CNTNAP5: variants seen among roughly 807,000 people sequenced by gnomAD.
CNTNAP5 encodes the protein contactin-associated protein-like 5.
In CNTNAP5, 72 loss-of-function variants were observed where a neutral mutation model predicts 150.2. The observed-to-expected ratio is 0.48, with a 90% CI of 0.40 to 0.58. CNTNAP5 has a LOEUF of 0.58. CNTNAP5 is among the 20% of genes least tolerant of loss of function. The pLI, the probability that CNTNAP5 is intolerant of heterozygous loss-of-function variation, is 0.00. For missense variants in CNTNAP5, 1,636 were observed against 1,626.2 expected (o/e 1.01, Z -0.10); for synonymous variants, 672 against 619.8 (o/e 1.08, Z -1.25).
intron 3 of CNTNAP5, among the ~76,000 whole-genome samples, chr2:124,361,701 G>C (rs1332620534): frequency 6.7e-6 from 1 of 149,354 alleles, no homozygotes; most frequent in African/African-American, 2.5e-5. Context: ...GAGAACCACT[G>C]CTCTCTTCAA....
At chr2:124,408,172 C>T (rs954536116) in intron 3 of CNTNAP5, among the ~76,000 whole-genome samples, 13 of 152,180 alleles carry the variant, frequency 8.5e-5, no homozygotes, top group Admixed American at 5.9e-4. Flanking sequence ...TGCGCTTTTC[C>T]GACGGGCTTA....
At chr2:124,102,051 C>T (rs1683078529) in intron 1 of CNTNAP5, among the ~76,000 whole-genome samples, 3 of 152,148 alleles carry the variant, frequency 2.0e-5, no homozygotes, top group Admixed American at 2.0e-4. Context: ...GGAACCATTG[C>T]AGATGTGGCT....
chr2:124,730,531 A>G (rs1473304466), intron 13 of CNTNAP5, among the ~76,000 whole-genome samples: 1 of 152,100 alleles, frequency 6.6e-6, no homozygotes, highest in African/African-American at 2.4e-5. Context: ...ATGTGGAAAC[A>G]TAGCAACTAG....
chr2:124,326,422 G>C (rs1481242228), intron 3 of CNTNAP5, among the ~76,000 whole-genome samples: 1 of 152,160 alleles, frequency 6.6e-6, no homozygotes, highest in Non-Finnish European at 1.5e-5. Context: ...AAAGCATAAA[G>C]CTTTTCTCAT....
intron 11 of CNTNAP5, among the ~76,000 whole-genome samples, chr2:124,582,610 C>T (rs1696440152): frequency 6.6e-6 from 1 of 152,114 alleles, no homozygotes; most frequent in South Asian, 2.1e-4. Flanking sequence ...TGATCCAGTT[C>T]TGATGGCCTG....
intron 21 of CNTNAP5, among the ~76,000 whole-genome samples, chr2:124,898,620 A>C (rs984873870): frequency 2.6e-5 from 4 of 151,652 alleles, no homozygotes; most frequent in African/African-American, 9.8e-5. Context: ...CGTTAGTTTA[A>C]AATAAGTTAA....
At chr2:124,170,112 A>G (rs12711670) in intron 1 of CNTNAP5, among the ~76,000 whole-genome samples, 147,481 of 152,256 alleles carry the variant, frequency 0.97, 71,602 homozygotes, top group East Asian at 1. Context: ...AAGCAGGGTA[A>G]TCATCTACAA....
intron 7 of CNTNAP5, among the ~76,000 whole-genome samples, chr2:124,488,331 A>G (rs150812735): frequency 3.3e-4 from 51 of 152,240 alleles, no homozygotes; most frequent in African/African-American, 1.2e-3. Context: ...TGATTTTTAT[A>G]TTTATCTATT....
At chr2:124,355,328 C>A (rs556243220) in intron 3 of CNTNAP5, among the ~76,000 whole-genome samples, 65 of 152,156 alleles carry the variant, frequency 4.3e-4, no homozygotes, top group Non-Finnish European at 7.9e-4. Context: ...TGGTAGAAAT[C>A]TCATTTTAAT....
intron 6 of CNTNAP5, among the ~76,000 whole-genome samples, chr2:124,453,558 A>T (rs185754003): frequency 1.3e-5 from 2 of 152,330 alleles, no homozygotes; most frequent in African/African-American, 4.8e-5. Context: ...TCACCAAAAG[A>T]TCATTGCCTA....
At chr2:124,869,041 A>C (rs1035953273) in intron 20 of CNTNAP5, among the ~76,000 whole-genome samples, 1 of 152,152 alleles carries the variant, frequency 6.6e-6, no homozygotes, top group African/African-American at 2.4e-5. Context: ...AAGGATGGTC[A>C]TAGAAATAAA....
At chr2:124,282,219 A>C (rs573218618) in intron 3 of CNTNAP5, among the ~76,000 whole-genome samples, 20 of 152,268 alleles carry the variant, frequency 1.3e-4, no homozygotes, top group African/African-American at 4.6e-4. Context: ...TTATTAGTAT[A>C]CTAACGGTGC....
At chr2:124,765,184 T>C (rs982257918) in intron 16 of CNTNAP5, among the ~76,000 whole-genome samples, 4 of 152,160 alleles carry the variant, frequency 2.6e-5, no homozygotes, top group African/African-American at 9.6e-5. Flanking sequence ...TTAATGTTTT[T>C]ACTTCAGGAT....
intron 17 of CNTNAP5, among the ~76,000 whole-genome samples, chr2:124,776,688 G>A (rs1020399658): frequency 2.0e-5 from 3 of 152,098 alleles, no homozygotes; most frequent in African/African-American, 4.8e-5. Flanking sequence ...TTTCCATTAG[G>A]CATGATGTCA....
chr2:124,102,721 G>A (rs1272649232), intron 1 of CNTNAP5, among the ~76,000 whole-genome samples: 1 of 152,120 alleles, frequency 6.6e-6, no homozygotes, highest in Non-Finnish European at 1.5e-5. Flanking sequence ...CCCACCTCCC[G>A]TTCCTGTGGG....
At chr2:124,605,237 G>A (rs1697074797) in intron 11 of CNTNAP5, among the ~76,000 whole-genome samples, 1 of 152,186 alleles carries the variant, frequency 6.6e-6, no homozygotes. Context: ...TGGCTGGCCT[G>A]CAGAATCATG....
At chr2:124,712,464 C>T (rs1679826929) in intron 13 of CNTNAP5, among the ~76,000 whole-genome samples, 1 of 152,208 alleles carries the variant, frequency 6.6e-6, no homozygotes, top group African/African-American at 2.4e-5. Flanking sequence ...TGCTCTTGCC[C>T]ACTGATGTTC....
intron 3 of CNTNAP5, among the ~76,000 whole-genome samples, chr2:124,370,733 G>C (rs1690503262): frequency 6.6e-6 from 1 of 152,144 alleles, no homozygotes; most frequent in East Asian, 1.9e-4. Flanking sequence ...GAGATTGAGT[G>C]TGCTGCATGG....
chr2:124,649,490 T>C (rs1221148659), intron 13 of CNTNAP5, among the ~76,000 whole-genome samples: 2 of 152,192 alleles, frequency 1.3e-5, no homozygotes, highest in Non-Finnish European at 2.9e-5. Flanking sequence ...GCGGGGCATG[T>C]TCATTCTGAC....
Sources: gnomAD v4.1 joint callset for allele counts (sites outside exome capture counted in the v4.1 genomes callset) on GRCh38, gnomAD v4.1.1 for gene constraint, MANE v1.5 for transcripts, NCBI Gene and HGNC (gene_info 2026-07-23, HGNC 2026-07-21) for gene names.